The following C8orf34 variants were observed in gnomAD, a reference collection of about 807,000 sequenced individuals.
C8orf34 encodes the protein uncharacterized protein C8orf34.
In C8orf34, 65 loss-of-function variants were observed where a neutral mutation model predicts 68.3. The ratio of observed to expected loss-of-function variants is 0.95; its 90% confidence interval spans 0.78 to 1.17. The LOEUF (loss-of-function observed/expected upper bound fraction) is 1.17, where lower values mean the gene tolerates loss of function less well. Among genes scored for constraint, C8orf34 ranks in the 50% most tolerant of loss-of-function variants. The pLI, the probability that C8orf34 is intolerant of heterozygous loss-of-function variation, is 0.00. For missense variants in C8orf34, 664 were observed against 655.4 expected (o/e 1.01, Z -0.14); for synonymous variants, 244 against 241.2 (o/e 1.01, Z -0.11).
chr8:68,706,557 G>A (rs913650958), intron 8 of C8orf34, among the ~76,000 whole-genome samples: 4 of 152,200 alleles, frequency 2.6e-5, no homozygotes, highest in African/African-American at 9.6e-5. Flanking sequence ...CTGTGAAAGA[G>A]CCTGAAGGAG....
intron 8 of C8orf34, among the ~76,000 whole-genome samples, chr8:68,650,490 T>C (rs1323689695): frequency 1.3e-5 from 2 of 149,006 alleles, no homozygotes; most frequent in Non-Finnish European, 3.0e-5. Context: ...TTTTTTTTTT[T>C]TTTTTTTGAG....
intron 12 of C8orf34, among the ~76,000 whole-genome samples, chr8:68,788,943 C>A (rs922918410): frequency 6.6e-6 from 1 of 151,930 alleles, no homozygotes; most frequent in Non-Finnish European, 1.5e-5. Context: ...TTTTGGAAGT[C>A]CCTTAATGCA....
At chr8:68,572,793 G>A (rs932554858) in intron 7 of C8orf34, among the ~76,000 whole-genome samples, 1 of 152,122 alleles carries the variant, frequency 6.6e-6, no homozygotes, top group African/African-American at 2.4e-5. Context: ...CAGGATTGGA[G>A]TGTGATGGTC....
chr8:68,705,510 A>G (rs764766265), intron 8 of C8orf34, among the ~76,000 whole-genome samples: 2 of 152,160 alleles, frequency 1.3e-5, no homozygotes, highest in South Asian at 4.1e-4. Context: ...CAAATTTCCC[A>G]TTGTGCAAGG....
At chr8:68,816,368 T>C (rs960246926) in intron 13 of C8orf34, among the ~76,000 whole-genome samples, 3 of 152,112 alleles carry the variant, frequency 2.0e-5, no homozygotes, top group Non-Finnish European at 4.4e-5. Flanking sequence ...TCAGAACAAT[T>C]TCGTGTCCAT....
chr8:68,462,085 G>C (rs1418964315), intron 3 of C8orf34, among the ~76,000 whole-genome samples: 1 of 151,916 alleles, frequency 6.6e-6, no homozygotes, highest in Admixed American at 6.6e-5. Flanking sequence ...AAAATAAAAG[G>C]ATGGAGGAAG....
intron 10 of C8orf34, among the ~76,000 whole-genome samples, chr8:68,775,549 G>T (rs1823490407): frequency 6.6e-6 from 1 of 152,140 alleles, no homozygotes; most frequent in Admixed American, 6.5e-5. Context: ...AGATGACGGA[G>T]AATTTACTAA....
chr8:68,730,424 G>C, intron 10 of C8orf34, among the ~76,000 whole-genome samples: 1 of 152,240 alleles, frequency 6.6e-6, no homozygotes, highest in Middle Eastern at 3.4e-3. Context: ...TAGTAGGCAA[G>C]TTATCTAACC....
chr8:68,749,311 G>A (rs929472760), intron 10 of C8orf34, among the ~76,000 whole-genome samples: 1 of 151,964 alleles, frequency 6.6e-6, no homozygotes, highest in East Asian at 1.9e-4. Context: ...AGGGTGCAGT[G>A]CACCAGCATG....
intron 7 of C8orf34, among the ~76,000 whole-genome samples, chr8:68,580,858 C>T (rs1432697850): frequency 1.3e-5 from 2 of 152,088 alleles, no homozygotes; most frequent in Admixed American, 6.6e-5. Context: ...TTGTTGAGAT[C>T]AGAAAGGAAA....
intron 13 of C8orf34, among the ~76,000 whole-genome samples, chr8:68,816,605 C>A (rs187559876): frequency 1.2e-4 from 19 of 152,268 alleles, no homozygotes; most frequent in Non-Finnish European, 2.1e-4. Context: ...CCAGACTCTA[C>A]ATAAACACCT....
rs143464451 is a variant in C8orf34, at chr8:68,424,312, T to G, written c.328-15187T>G. 7.4e-3 allele frequency among the ~76,000 whole-genome samples: 1,132 copies of G among 152,302 alleles called. 5 individuals carry two copies. Among genetic ancestry groups the G allele is most frequent in the Non-Finnish European group, 0.01 (686 of 68,024 alleles). ...CCACAAAAGTAGGCCAGAACCTACATGCTCAACCTAAACGGGGCAACTGAC... is the reference window on the plus strand; with the variant it reads ...CCACAAAAGTAGGCCAGAACCTACAGGCTCAACCTAAACGGGGCAACTGAC... On this transcript the variant is annotated intron_variant, in intron 1 of 13. Coordinates refer to ENST00000518698, the MANE Select transcript of C8orf34 (RefSeq NM_052958.4).
chr8:68,744,523 A>G (rs1391318883), intron 10 of C8orf34, among the ~76,000 whole-genome samples: 1 of 151,612 alleles, frequency 6.6e-6, no homozygotes, highest in Non-Finnish European at 1.5e-5. Flanking sequence ...AATAACCAAT[A>G]CAGAGAAGTG....
chr8:68,761,437 A>C (rs1262643649), intron 10 of C8orf34, among the ~76,000 whole-genome samples: 1 of 152,190 alleles, frequency 6.6e-6, no homozygotes, highest in Non-Finnish European at 1.5e-5. Flanking sequence ...GAGGAAAAAA[A>C]AATTGTCTCC....
At chr8:68,418,511 T>C (rs1341256088) in intron 1 of C8orf34, among the ~76,000 whole-genome samples, 1 of 152,166 alleles carries the variant, frequency 6.6e-6, no homozygotes, top group Non-Finnish European at 1.5e-5. Flanking sequence ...TGAAGGGTTG[T>C]TGAATTTTGT....
intron 8 of C8orf34, among the ~76,000 whole-genome samples, chr8:68,650,725 C>G (rs560660006): frequency 1.3e-5 from 2 of 151,968 alleles, no homozygotes; most frequent in Admixed American, 1.3e-4. Flanking sequence ...GTGATCCGCC[C>G]GCCTCGGCCT....
At chr8:68,605,561 T>A (rs555956618) in intron 7 of C8orf34, among the ~76,000 whole-genome samples, 27 of 152,102 alleles carry the variant, frequency 1.8e-4, no homozygotes, top group Non-Finnish European at 3.2e-4. Flanking sequence ...CCTGAAAAGA[T>A]GAGAGGCAGC....
chr8:68,446,291 C>A (rs201905787), intron 2 of C8orf34, 38 bp from the exon 3 acceptor site: 1 of 1,531,124 alleles, frequency 6.5e-7, no homozygotes, highest in Non-Finnish European at 8.8e-7. Context: ...ATCTTGAAAT[C>A]ACTTTGTTGC....
chr8:68,613,648 C>T (rs1818097489), intron 7 of C8orf34, among the ~76,000 whole-genome samples: 1 of 151,624 alleles, frequency 6.6e-6, no homozygotes. Flanking sequence ...CATAGTATTC[C>T]ATGGTGTATA....
Sources: gnomAD v4.1 joint callset for allele counts (sites outside exome capture counted in the v4.1 genomes callset) on GRCh38, gnomAD v4.1.1 for gene constraint, MANE v1.5 for transcripts, NCBI Gene and HGNC (gene_info 2026-07-23, HGNC 2026-07-21) for gene names.